The following LCLAT1 variants were observed in gnomAD, a reference collection of about 807,000 sequenced individuals.
The protein encoded by LCLAT1 is lysocardiolipin acyltransferase 1, also known as 1-AGP acyltransferase 8.
LCLAT1 carries 11 observed loss-of-function variants against 30.7 expected under a neutral mutation model. The ratio of observed to expected loss-of-function variants is 0.36; its 90% CI spans 0.23 to 0.59. The LOEUF (loss-of-function observed/expected upper bound fraction) is 0.59. Ranked by LOEUF, LCLAT1 falls within the 20% of genes least tolerant of loss-of-function variation. LCLAT1 has a pLI of 0.77. For missense variants in LCLAT1, 402 were observed against 458.6 expected (o/e 0.88, Z 1.13); for synonymous variants, 155 against 151.3 (o/e 1.02, Z -0.18).
At chr2:30,499,079 C>A (rs1356947520) in intron 1 of LCLAT1, among the ~76,000 whole-genome samples, 2 of 152,088 alleles carry the variant, frequency 1.3e-5, no homozygotes, top group Non-Finnish European at 2.9e-5. Context: ...TTAGTTGGGC[C>A]ACTGATTTCG....
intron 5 of LCLAT1, among the ~76,000 whole-genome samples, chr2:30,635,686 A>C (rs973403626): frequency 2.6e-4 from 40 of 152,330 alleles, no homozygotes; most frequent in African/African-American, 9.4e-4. Context: ...CAAGTTGGAA[A>C]GAAAAAAAAA....
intron 2 of LCLAT1, among the ~76,000 whole-genome samples, chr2:30,527,037 T>C (rs899636177): frequency 1.3e-5 from 2 of 152,160 alleles, no homozygotes; most frequent in Admixed American, 6.5e-5. Context: ...ATTTACAAGG[T>C]GGGTATTTCT....
At chr2:30,537,521 T>TAC (rs58394759) in intron 3 of LCLAT1, among the ~76,000 whole-genome samples, 50,095 of 149,068 alleles carry the variant, frequency 0.34, 8,540 homozygotes, top group East Asian at 0.6. Context: ...CAATTGTAAA[T>TAC]ACACACACAC....
At chr2:30,547,265 C>A (rs1664468562) in intron 3 of LCLAT1, among the ~76,000 whole-genome samples, 1 of 152,198 alleles carries the variant, frequency 6.6e-6, no homozygotes. Context: ...ACTGTCACAG[C>A]AAACTTTCTG....
At chr2:30,513,491 A>G (rs1490993191) in intron 1 of LCLAT1, among the ~76,000 whole-genome samples, 1 of 152,182 alleles carries the variant, frequency 6.6e-6, no homozygotes, top group Non-Finnish European at 1.5e-5. Flanking sequence ...AGTCTCATGA[A>G]TGAATGAGTT....
intron 1 of LCLAT1, among the ~76,000 whole-genome samples, chr2:30,483,598 A>G (rs921350227): frequency 5.9e-5 from 9 of 152,148 alleles, no homozygotes; most frequent in Non-Finnish European, 1.2e-4. Context: ...AACAAATGCT[A>G]CTAGTGATGA....
intron 1 of LCLAT1, among the ~76,000 whole-genome samples, chr2:30,499,437 C>T (rs972296305): frequency 1.3e-5 from 2 of 152,192 alleles, no homozygotes; most frequent in Non-Finnish European, 2.9e-5. Flanking sequence ...CCACCTCGGC[C>T]TCCCAAAGTG....
chr2:30,522,742 A>G (rs187604496), intron 1 of LCLAT1, among the ~76,000 whole-genome samples: 187 of 152,348 alleles, frequency 1.2e-3, no homozygotes, highest in African/African-American at 4.3e-3. Context: ...CAGTATATTC[A>G]TGTGACACAC....
intron 5 of LCLAT1, among the ~76,000 whole-genome samples, chr2:30,611,125 C>T (rs1253001501): frequency 6.7e-6 from 1 of 150,296 alleles, no homozygotes; most frequent in Non-Finnish European, 1.5e-5. Context: ...GACTCATTAG[C>T]ATTTTTCTTC....
At chr2:30,592,602 C>T (rs1666746209) in intron 5 of LCLAT1, among the ~76,000 whole-genome samples, 1 of 152,172 alleles carries the variant, frequency 6.6e-6, no homozygotes, top group Non-Finnish European at 1.5e-5. Context: ...ATTTCAAAGA[C>T]AGAGTTGCTA....
chr2:30,637,141 G>A (rs4952002), intron 5 of LCLAT1, among the ~76,000 whole-genome samples: 79,170 of 152,072 alleles, frequency 0.52, 21,620 homozygotes, highest in East Asian at 0.82. Context: ...TGAGAGAAAG[G>A]AAAGGGTGAG....
rs59210342 is a variant in LCLAT1 at position 30,509,954 on chromosome 2, T to G, written c.-4-15633T>G. Among the ~76,000 whole-genome samples the G allele has an allele frequency of 2.8e-3, 420 of 152,298 alleles. 3 individuals carry two copies. The highest frequency in any genetic ancestry group is 9.6e-3 in the African/African-American group (398 of 41,544). On this transcript the variant is annotated intron_variant, in intron 1 of 5. Transcript: ENST00000379509. ...GGAGAGCAGGAATTTTATTAGCACA[T>G]GGTCAAGAAGCCAAGTACAGATTAG...
intron 5 of LCLAT1, among the ~76,000 whole-genome samples, chr2:30,581,463 A>G (rs1433565947): frequency 1.3e-5 from 2 of 152,172 alleles, no homozygotes; most frequent in Admixed American, 6.5e-5. Context: ...TTCCATGTTA[A>G]TTGCAGCCCT....
At chr2:30,638,414 T>A (rs1669139465) in intron 5 of LCLAT1, among the ~76,000 whole-genome samples, 1 of 152,236 alleles carries the variant, frequency 6.6e-6, no homozygotes, top group Non-Finnish European at 1.5e-5. Context: ...AAAATTTCCT[T>A]ATGCTCCCTT....
chr2:30,465,002 G>A (rs1005692881), intron 1 of LCLAT1, among the ~76,000 whole-genome samples: 1 of 152,136 alleles, frequency 6.6e-6, no homozygotes, highest in African/African-American at 2.4e-5. Context: ...GAGCCACCAT[G>A]CCTGGCCAGG....
chr2:30,515,173 C>T (rs898236574), intron 1 of LCLAT1, among the ~76,000 whole-genome samples: 37 of 152,222 alleles, frequency 2.4e-4, no homozygotes, highest in Non-Finnish European at 1.5e-5. Flanking sequence ...CCCACAACCA[C>T]TTTTCCTCCA....
intron 3 of LCLAT1, among the ~76,000 whole-genome samples, chr2:30,553,844 A>T (rs12053230): frequency 2.0e-5 from 3 of 152,056 alleles, no homozygotes; most frequent in African/African-American, 7.2e-5. Context: ...GACAAATTAT[A>T]TATGCTGATT....
intron 5 of LCLAT1, among the ~76,000 whole-genome samples, chr2:30,631,364 G>A (rs1807334): frequency 0.34 from 51,572 of 152,028 alleles, 9,205 homozygotes; most frequent in Non-Finnish European, 0.4. Context: ...CCCCAGTAAC[G>A]GATATAGGGT....
intron 5 of LCLAT1, among the ~76,000 whole-genome samples, chr2:30,610,882 C>A (rs757571750): frequency 4.6e-5 from 7 of 151,918 alleles, no homozygotes; most frequent in Non-Finnish European, 8.8e-5. Flanking sequence ...TAAAAAATTT[C>A]TTGGACTTAA....
Sources: gnomAD v4.1 joint callset for allele counts (sites outside exome capture counted in the v4.1 genomes callset) on GRCh38, gnomAD v4.1.1 for gene constraint, MANE v1.5 for transcripts, NCBI Gene and HGNC (gene_info 2026-07-23, HGNC 2026-07-21) for gene names.